Variants in RHBDL2 observed in about 807,000 individuals in gnomAD.
RHBDL2 encodes rhomboid like 2.
A neutral mutation model predicts 31.7 loss-of-function variants in RHBDL2; 26 were observed. The observed-to-expected ratio is 0.82, with a 90% CI of 0.60 to 1.14. The LOEUF (loss-of-function observed/expected upper bound fraction) is 1.14, where lower values mean the gene tolerates loss of function less well. RHBDL2 is among the 50% of genes most tolerant of loss of function. The probability of loss-of-function intolerance (pLI) is 0.00; values close to 1 mark genes in which losing one functional copy is unlikely to be tolerated. For missense variants in RHBDL2, 336 were observed against 364.4 expected (o/e 0.92, Z 0.63); for synonymous variants, 123 against 127.2 (o/e 0.97, Z 0.22).
At chr1:38,919,602 T>C (rs747299883) in intron 1 of RHBDL2, among the ~76,000 whole-genome samples, 2 of 151,272 alleles carry the variant, frequency 1.3e-5, no homozygotes, top group Non-Finnish European at 2.9e-5. Context: ...ATATAATATA[T>C]ATTTTTTCTT....
At chr1:38,931,544 A>G (rs1643439835) in intron 1 of RHBDL2, among the ~76,000 whole-genome samples, 2 of 151,920 alleles carry the variant, frequency 1.3e-5, no homozygotes, top group South Asian at 2.1e-4. Context: ...GAAAAGAAAA[A>G]AGAAAAAAGA....
chr1:38,928,763 T>A (rs1643407774), intron 1 of RHBDL2, among the ~76,000 whole-genome samples: 1 of 151,940 alleles, frequency 6.6e-6, no homozygotes, highest in South Asian at 2.1e-4. Flanking sequence ...AAAAAAATTT[T>A]AAATAAAAAA....
intron 2 of RHBDL2, among the ~76,000 whole-genome samples, chr1:38,917,080 T>C (rs1357126864): frequency 2.8e-5 from 4 of 142,932 alleles, no homozygotes; most frequent in Non-Finnish European, 6.1e-5. Context: ...TGCAGTGGCG[T>C]GATCTCAGCT....
At chr1:38,912,856 C>A (rs1643168214) in intron 3 of RHBDL2, among the ~76,000 whole-genome samples, 1 of 143,170 alleles carries the variant, frequency 7.0e-6, no homozygotes, top group Non-Finnish European at 1.5e-5. Context: ...AACTAAAGGA[C>A]AAGGAAGCTA....
chr1:38,931,420 C>G (rs982901275), intron 1 of RHBDL2, among the ~76,000 whole-genome samples: 2 of 151,912 alleles, frequency 1.3e-5, no homozygotes, highest in Non-Finnish European at 2.9e-5. Context: ...ACTCGGAAGG[C>G]TGAGGCAGGA....
chr1:38,918,876 C>T, intron 2 of RHBDL2, 91 bp downstream of exon 2: 1 of 1,481,656 alleles, frequency 6.7e-7, no homozygotes, highest in South Asian at 1.3e-5. Flanking sequence ...CCCATGTTCC[C>T]AGTCTCTTCT....
chr1:38,899,948 C>A (rs897853528), intron 4 of RHBDL2, among the ~76,000 whole-genome samples: 3 of 152,156 alleles, frequency 2.0e-5, no homozygotes, highest in Non-Finnish European at 4.4e-5. Context: ...TTCTGCCCTG[C>A]GACTTTTCTC....
At chr1:38,920,607 C>CTTTTTTTTTTTTTTTTTTTTTTTTTT (rs547790628) in intron 1 of RHBDL2, among the ~76,000 whole-genome samples, 1 of 129,050 alleles carries the variant, frequency 7.7e-6, no homozygotes, top group East Asian at 2.3e-4. Context: ...CAAGTTTTCT[C>CTTTTTTTTTTTTTTTTTTTTTTTTTT]TTTTTTTTTT....
intron 1 of RHBDL2, among the ~76,000 whole-genome samples, chr1:38,928,315 T>G (rs1643401022): frequency 1.3e-5 from 2 of 151,114 alleles, no homozygotes; most frequent in Admixed American, 6.6e-5. Flanking sequence ...CTAATTTTTT[T>G]GTATTCTTAG....
chr1:38,925,427 G>A (rs767340372), intron 1 of RHBDL2, among the ~76,000 whole-genome samples: 20 of 152,078 alleles, frequency 1.3e-4, no homozygotes, highest in Non-Finnish European at 7.4e-5. Context: ...GAACCCAGGA[G>A]GTGGAGGTTG....
At chr1:38,914,442 A>G (rs1017103181) in intron 3 of RHBDL2, among the ~76,000 whole-genome samples, 1 of 151,642 alleles carries the variant, frequency 6.6e-6, no homozygotes, top group Non-Finnish European at 1.5e-5. Flanking sequence ...GGGTTTTACC[A>G]TATTGGTCAG....
chr1:38,896,794 T>G (rs1642924258), intron 4 of RHBDL2, among the ~76,000 whole-genome samples: 1 of 152,196 alleles, frequency 6.6e-6, no homozygotes, highest in African/African-American at 2.4e-5. Flanking sequence ...ATGCAAAGAC[T>G]AAAATATTCT....
At chr1:38,890,061 G>T (rs976735446) in intron 6 of RHBDL2, among the ~76,000 whole-genome samples, 2 of 146,978 alleles carry the variant, frequency 1.4e-5, no homozygotes, top group Non-Finnish European at 1.5e-5. Flanking sequence ...TTTTCAAGAC[G>T]CAGTCTCACT....
intron 3 of RHBDL2, among the ~76,000 whole-genome samples, chr1:38,914,088 G>A: frequency 6.6e-6 from 1 of 151,054 alleles, no homozygotes; most frequent in South Asian, 2.1e-4. Flanking sequence ...CCGCACTCCA[G>A]CCTGGCGATA....
Position 38,919,082 on chromosome 1 carries a change from T to C in RHBDL2, c.131A>G (p.Lys44Arg), listed in dbSNP as rs1443569589. 1.1e-5 allele frequency: 17 copies of C among 1,614,160 alleles called. No homozygotes were observed. The highest frequency in any genetic ancestry group is 1.4e-5 in the Non-Finnish European group (16 of 1,180,030). ...CCATTTTGAGACAATCCTGTGGACC[T>C]TTTTACTCTTGGCCCGATCTTTACC... ...GGGKDRAKSK[K>R]VHRIVSKWML... The change falls in exon 2 of 8, where the codon AAG (lysine) becomes AGG (arginine). Residue 44 changes from lysine to arginine, a missense_variant. Transcript: ENST00000372990.
Position 38,886,209 on chromosome 1 carries a change from C to T in RHBDL2, c.*295G>A. On this transcript the variant is annotated 3_prime_UTR_variant, in exon 8 of 8. Coordinates refer to ENST00000372990, the MANE Select transcript of RHBDL2 (RefSeq NM_017821.5). ...CCTCAGGTGATTTCACCCGCCTCAG[C>T]CTCCCAAAGTGCTGGGATTACAGGC... The T allele has an allele frequency of 5.7e-6, 1 of 176,264 alleles. No individual in the cohort carries two copies. The highest frequency in any genetic ancestry group is 1.2e-5 in the Non-Finnish European group (1 of 83,816). 10.9% of individuals were successfully genotyped at this position (176,264 alleles called of 1,614,324 possible).
intron 1 of RHBDL2, chr1:38,926,120 T>C: frequency 8.5e-7 from 1 of 1,176,892 alleles, no homozygotes; most frequent in Non-Finnish European, 1.1e-6. Context: ...ATATTCACTT[T>C]TGCATGTCCC....
At chr1:38,938,625 A>G (rs957592353) in intron 1 of RHBDL2, among the ~76,000 whole-genome samples, 1 of 152,184 alleles carries the variant, frequency 6.6e-6, no homozygotes, top group African/African-American at 2.4e-5. Flanking sequence ...ATTAAGTTAA[A>G]GAAAAGAAAA....
intron 4 of RHBDL2, among the ~76,000 whole-genome samples, chr1:38,902,845 C>A (rs1045489932): frequency 1.3e-5 from 2 of 152,182 alleles, no homozygotes; most frequent in Non-Finnish European, 2.9e-5. Flanking sequence ...AGCCACCACG[C>A]CCAGCCCCTA....
Sources: allele counts gnomAD v4.1 joint callset (sites outside exome capture counted in the v4.1 genomes callset), GRCh38; gene constraint gnomAD v4.1.1; transcripts MANE v1.5; gene names NCBI Gene and HGNC (gene_info 2026-07-23, HGNC 2026-07-21).